Variants in XYLT1 observed in about 807,000 individuals in gnomAD.
XYLT1 encodes the protein xylosyltransferase 1, also known as beta-D-xylosyltransferase 1.
In XYLT1, 36 loss-of-function variants were observed where a neutral mutation model predicts 91.3. The ratio of observed to expected loss-of-function variants is 0.39; its 90% confidence interval spans 0.30 to 0.52. XYLT1 has a LOEUF of 0.52. XYLT1 is among the 20% of genes least tolerant of loss of function. The pLI is 0.68. For missense variants in XYLT1, 1,242 were observed against 1,284.5 expected (o/e 0.97, Z 0.51); for synonymous variants, 588 against 532.0 (o/e 1.11, Z -1.45).
chr16:17,342,794 A>G (rs2035082488), intron 2 of XYLT1, among the ~76,000 whole-genome samples: 1 of 152,206 alleles, frequency 6.6e-6, no homozygotes, highest in African/African-American at 2.4e-5. Flanking sequence ...AATTTCTGTC[A>G]TGTTGGCTGT....
chr16:17,456,484 T>A (rs562310919), intron 1 of XYLT1, among the ~76,000 whole-genome samples: 1 of 151,960 alleles, frequency 6.6e-6, no homozygotes, highest in African/African-American at 2.4e-5. Context: ...ACTACAGGCA[T>A]GCTACCATGC....
intron 4 of XYLT1, among the ~76,000 whole-genome samples, chr16:17,199,945 G>A (rs908267085): frequency 1.3e-5 from 2 of 152,044 alleles, no homozygotes; most frequent in East Asian, 1.9e-4. Context: ...TTTAGGGGCC[G>A]GGCACGGTGG....
chr16:17,328,655 T>G (rs999400391), intron 2 of XYLT1, among the ~76,000 whole-genome samples: 4 of 152,064 alleles, frequency 2.6e-5, no homozygotes, highest in Non-Finnish European at 4.4e-5. Context: ...ATTTTTATTT[T>G]TTAAAGGGAC....
At position 17,117,790 on chromosome 16, in the gene XYLT1, A is replaced by C. The variant is rs1446613450; in HGVS notation, c.2413T>G (p.Phe805Val). 6.2e-7 allele frequency: 1 copy of C among 1,614,156 alleles called. No homozygotes were observed. The highest frequency in any genetic ancestry group is 2.2e-5 in the East Asian group (1 of 44,876). Residue 805 changes from phenylalanine to valine, a missense_variant, in exon 11 of 12, where the codon TTC (phenylalanine) becomes GTC (valine). Around this residue, in one of 3 missense-constraint regions of XYLT1, gnomAD observed 511 missense variants for 497.0 expected, o/e 1.03. Transcript: ENST00000261381. ...TTCAAAGGGGGCTTGTAGTGTGTGA[A>C]TTCGGCAGTGGACTCAATGAGGATG... is the stretch of plus-strand genomic sequence containing the variant. ...YDILIESTAE[F>V]THYKPPLNLP...
At chr16:17,338,225 A>C (rs769559543) in intron 2 of XYLT1, 10 of 456,284 alleles carry the variant, frequency 2.2e-5, no homozygotes, top group Non-Finnish European at 3.5e-5. Context: ...TTCCCCACGA[A>C]GCAGCCAGAG....
chr16:17,201,847 T>C (rs1342968870), intron 3 of XYLT1, among the ~76,000 whole-genome samples: 1 of 151,928 alleles, frequency 6.6e-6, no homozygotes, highest in African/African-American at 2.4e-5. Flanking sequence ...CGGAGAGAGG[T>C]TGCCTGAGAA....
chr16:17,223,658 G>A (rs2033012701), intron 3 of XYLT1, among the ~76,000 whole-genome samples: 2 of 152,218 alleles, frequency 1.3e-5, no homozygotes, highest in South Asian at 4.1e-4. Flanking sequence ...CTGGATCCCT[G>A]AATTACAACA....
intron 2 of XYLT1, among the ~76,000 whole-genome samples, chr16:17,316,718 C>T (rs969791003): frequency 1.3e-5 from 2 of 151,294 alleles, no homozygotes; most frequent in Non-Finnish European, 2.9e-5. Flanking sequence ...TCTTGAGGCT[C>T]TGTTTTACTT....
intron 1 of XYLT1, among the ~76,000 whole-genome samples, chr16:17,466,797 T>C (rs1293535491): frequency 1.3e-5 from 2 of 152,204 alleles, no homozygotes; most frequent in Non-Finnish European, 2.9e-5. Flanking sequence ...GATGGCAACA[T>C]TTGCAGTAAG....
At chr16:17,159,192 C>T (rs1194670736) in intron 5 of XYLT1, among the ~76,000 whole-genome samples, 1 of 152,160 alleles carries the variant, frequency 6.6e-6, no homozygotes, top group Non-Finnish European at 1.5e-5. Context: ...GTTTGGGAAT[C>T]TCCAGTGCCT....
rs549403553 is a variant in XYLT1, at chr16:17,103,796, C to G, written c.*4899G>C. ...AGAGAGGTCACTTTCTCCCTGCATA[C>G]GCCTGGTAAGACCAGAGCCAAAGAC... is the stretch of plus-strand genomic sequence containing the variant. On this transcript the variant is annotated 3_prime_UTR_variant, in exon 12 of 12. Transcript: ENST00000261381. 1.3e-5 allele frequency: 2 copies of G among 152,248 alleles called. No homozygotes were observed. Among genetic ancestry groups the G allele is most frequent in the South Asian group, 4.2e-4 (2 of 4,816 alleles). 9.4% of individuals were successfully genotyped at this position (152,248 alleles called of 1,614,324 possible).
intron 2 of XYLT1, among the ~76,000 whole-genome samples, chr16:17,313,326 G>C (rs1483459061): frequency 6.6e-6 from 1 of 152,214 alleles, no homozygotes; most frequent in Non-Finnish European, 1.5e-5. Flanking sequence ...CTGGAGGAGG[G>C]AGAGAGAAGG....
chr16:17,299,899 C>T (rs12598653), intron 2 of XYLT1, among the ~76,000 whole-genome samples: 13,753 of 152,202 alleles, frequency 0.09, 792 homozygotes, highest in South Asian at 0.17. Flanking sequence ...GCTTTATTAA[C>T]GACCCTTTTT....
intron 2 of XYLT1, among the ~76,000 whole-genome samples, chr16:17,340,144 C>T (rs1229425894): frequency 1.8e-5 from 1 of 54,430 alleles, no homozygotes; most frequent in East Asian, 3.6e-4. Context: ...TCTATCCATC[C>T]GCCCATCCCT....
At chr16:17,190,598 T>C (rs2032288797) in intron 5 of XYLT1, among the ~76,000 whole-genome samples, 1 of 152,128 alleles carries the variant, frequency 6.6e-6, no homozygotes. Flanking sequence ...TCCACCTTCA[T>C]CCATGTCCCT....
intron 5 of XYLT1, among the ~76,000 whole-genome samples, chr16:17,174,007 G>A (rs1244387193): frequency 6.6e-6 from 1 of 152,138 alleles, no homozygotes; most frequent in Non-Finnish European, 1.5e-5. Context: ...AGGCTGCAAT[G>A]TGCAGTCATC....
intron 6 of XYLT1, among the ~76,000 whole-genome samples, chr16:17,156,399 GAGA>G (rs929109974): frequency 3.3e-5 from 5 of 152,202 alleles, no homozygotes; most frequent in African/African-American, 7.2e-5. Flanking sequence ...CTGCTACCTG[GAGA>G]AGAAGAAGGG....
chr16:17,159,678 CTGAT>C (rs1475562182), intron 5 of XYLT1, among the ~76,000 whole-genome samples: 1 of 152,252 alleles, frequency 6.6e-6, no homozygotes, highest in African/African-American at 2.4e-5. Context: ...CACGGGGCTA[CTGAT>C]TGAGAGAGCT....
chr16:17,235,933 T>C (rs990642279), intron 3 of XYLT1, among the ~76,000 whole-genome samples: 8 of 152,194 alleles, frequency 5.3e-5, no homozygotes, highest in East Asian at 1.9e-4. Context: ...GTGGCCCAAC[T>C]GCTGCTCATT....
Sources: allele counts gnomAD v4.1 joint callset (sites outside exome capture counted in the v4.1 genomes callset), GRCh38; gene constraint gnomAD v4.1.1; regional missense constraint gnomAD v4.1.1; transcripts MANE v1.5; gene names NCBI Gene and HGNC (gene_info 2026-07-23, HGNC 2026-07-21).